Variants in GSN observed in about 807,000 individuals in gnomAD.
GSN encodes the protein actin-depolymerizing factor.
A neutral mutation model predicts 85.7 loss-of-function variants in GSN; 56 were observed. The observed-to-expected ratio is 0.65, with a 90% CI of 0.53 to 0.82. The LOEUF (loss-of-function observed/expected upper bound fraction) is 0.82, where lower values mean the gene tolerates loss of function less well. Among genes scored for constraint, GSN ranks in the 40% least tolerant of loss-of-function variants. The pLI is 0.00. For synonymous variants in GSN, 373 were observed against 399.1 expected, an observed-to-expected ratio of 0.93 and a Z score of 0.78; for missense variants, 857 against 979.8, an observed-to-expected ratio of 0.87 and a Z score of 1.67.
At chr9:121,259,549 C>G (rs114105864) in intron 6 of GSN, among the ~76,000 whole-genome samples, 99 of 152,256 alleles carry the variant, frequency 6.5e-4, no homozygotes, top group African/African-American at 2.2e-3. Context: ...AAAGCATGAC[C>G]TGACAGGAAC....
At chr9:121,230,265 C>T (rs1024301686) in intron 4 of GSN, among the ~76,000 whole-genome samples, 14 of 152,100 alleles carry the variant, frequency 9.2e-5, no homozygotes, top group African/African-American at 2.2e-4. Context: ...AGAGAGAAAA[C>T]GGCTTGCTTT....
chr9:121,272,048 A>T (rs2056054151), intron 1 of GSN, among the ~76,000 whole-genome samples: 1 of 152,214 alleles, frequency 6.6e-6, no homozygotes, highest in Non-Finnish European at 1.5e-5. Context: ...AAGGGAAAAA[A>T]AGAGACCAGT....
chr9:121,317,293 C>G, intron 8 of GSN, 75 bp downstream of exon 8: 1 of 1,499,524 alleles, frequency 6.7e-7, no homozygotes, highest in Non-Finnish European at 9.3e-7. Context: ...CCCAGGAACT[C>G]AGCTCCCGGG....
intron 6 of GSN, among the ~76,000 whole-genome samples, chr9:121,256,912 G>A (rs901499776): frequency 2.0e-5 from 3 of 151,898 alleles, no homozygotes; most frequent in African/African-American, 7.3e-5. Context: ...AAGAAAAAAA[G>A]GAATAAGTTC....
chr9:121,318,331 C>G lies in GSN; in HGVS notation c.887-75C>G, dbSNP rs2061960319. The G allele has an allele frequency of 1.7e-6, 2 of 1,207,322 alleles. No homozygotes were observed. The highest frequency in any genetic ancestry group is 2.5e-6 in the Non-Finnish European group (2 of 809,084). 74.8% of individuals were successfully genotyped at this position (1,207,322 alleles called of 1,614,324 possible). A position where few individuals can be genotyped will look rare whatever the true frequency, so the allele number is the denominator to read the frequency against. ...GAGGGAAGTTTGGCAGCTCCTTCTC[C>G]TGGACTGTTAAAGGTCAGGATGCAG... On this transcript the variant is annotated intron_variant, in intron 8 of 17. Transcript: ENST00000432226. The surrounding 1 kb of genome is among the most constrained non-coding windows in gnomAD (Gnocchi z 4.3).
exon 3 of GSN, chr9:121,210,316 G>A (rs1423196817): frequency 1.3e-5 from 2 of 152,184 alleles, no homozygotes; most frequent in African/African-American, 2.4e-5. Flanking sequence ...CACGGCGGAG[G>A]GAAAAGAGAC....
chr9:121,265,617 A>G (rs1297702479), upstream of GSN: 1 of 152,246 alleles, frequency 6.6e-6, no homozygotes, highest in East Asian at 1.9e-4. Flanking sequence ...GTACCCCCAG[A>G]TTGTCTAATG....
intron 5 of GSN, among the ~76,000 whole-genome samples, chr9:121,238,388 T>G (rs2054539112): frequency 6.6e-6 from 1 of 152,170 alleles, no homozygotes; most frequent in Non-Finnish European, 1.5e-5. Flanking sequence ...CCAGCCTGCA[T>G]TTTTCTCCCA....
At chr9:121,206,383 G>A (rs966029038), upstream of GSN, among the ~76,000 whole-genome samples, 6 of 152,052 alleles carry the variant, frequency 3.9e-5, 1 homozygote, top group Non-Finnish European at 5.9e-5. Flanking sequence ...AGACTCATTC[G>A]TCTCTGGGTA....
intron 6 of GSN, among the ~76,000 whole-genome samples, chr9:121,251,451 C>A (rs958124746): frequency 1.1e-4 from 16 of 151,810 alleles, no homozygotes; most frequent in Non-Finnish European, 2.1e-4. Flanking sequence ...CCCAACTCGG[C>A]CTCCCAAAGT....
chr9:121,310,637 C>T, intron 4 of GSN, 47 bp from the exon 5 acceptor site: 1 of 1,596,458 alleles, frequency 6.3e-7, no homozygotes, highest in Non-Finnish European at 8.6e-7. Context: ...ATATCTGCTT[C>T]CCTGGGCCTT....
chr9:121,303,545 A>T (rs1463401224), intron 4 of GSN, among the ~76,000 whole-genome samples: 4 of 152,204 alleles, frequency 2.6e-5, no homozygotes. Flanking sequence ...CAGAGTCTGG[A>T]TCAAGACAGA....
chr9:121,224,072 C>T (rs916722264), intron 4 of GSN, among the ~76,000 whole-genome samples: 3 of 151,910 alleles, frequency 2.0e-5, no homozygotes, highest in Admixed American at 1.3e-4. Flanking sequence ...AAAGGTATAT[C>T]GGTGTTATTT....
chr9:121,237,875 C>G (rs532243750), intron 5 of GSN, among the ~76,000 whole-genome samples: 2 of 152,340 alleles, frequency 1.3e-5, no homozygotes, highest in South Asian at 4.1e-4. Flanking sequence ...TCACCTGCAT[C>G]CCTGCAGCTA....
intron 1 of GSN, among the ~76,000 whole-genome samples, chr9:121,276,433 G>T (rs1476539469): frequency 6.6e-6 from 1 of 152,200 alleles, no homozygotes; most frequent in African/African-American, 2.4e-5. Flanking sequence ...TAGAGCCCAC[G>T]CCAGGTCCCT....
intron 4 of GSN, among the ~76,000 whole-genome samples, chr9:121,214,472 TA>T (rs2054023271): frequency 6.6e-6 from 1 of 152,160 alleles, no homozygotes; most frequent in South Asian, 2.1e-4. Context: ...TGGCACAACA[TA>T]TATAATAAAA....
chr9:121,236,439 T>C (rs1469387692), intron 5 of GSN, among the ~76,000 whole-genome samples: 1 of 152,074 alleles, frequency 6.6e-6, no homozygotes, highest in Admixed American at 6.6e-5. Flanking sequence ...GGTCTCGAAC[T>C]CCTGACCTCG....
chr9:121,202,931 C>T (rs1377950214), upstream of GSN, among the ~76,000 whole-genome samples: 1 of 152,052 alleles, frequency 6.6e-6, no homozygotes, highest in Non-Finnish European at 1.5e-5. Context: ...TCGAGACCAT[C>T]TTGGCTAACA....
At chr9:121,266,802 A>G (rs1440706252), upstream of GSN, among the ~76,000 whole-genome samples, 1 of 152,192 alleles carries the variant, frequency 6.6e-6, no homozygotes, top group Admixed American at 6.5e-5. Context: ...AGAGCATGGC[A>G]TGAGGCATTC....
Sources: gnomAD v4.1 joint callset for allele counts (sites outside exome capture counted in the v4.1 genomes callset) on GRCh38, gnomAD v4.1.1 for gene constraint, Gnocchi (gnomAD v3.1) non-coding constraint, MANE v1.5 for transcripts, NCBI Gene and HGNC (gene_info 2026-07-23, HGNC 2026-07-21) for gene names.